Variants in ACYP2 observed in about 807,000 individuals in gnomAD.
ACYP2 encodes acylphosphatase-2.
A neutral mutation model predicts 11.2 loss-of-function variants in ACYP2; 12 were observed. The observed-to-expected ratio is 1.08, with a 90% CI of 0.69 to 1.74. The LOEUF (loss-of-function observed/expected upper bound fraction) is 1.74, where lower values mean the gene tolerates loss of function less well. Ranked by LOEUF, ACYP2 falls within the 40% of genes most tolerant of loss-of-function variation. ACYP2 has a pLI of 0.00. For missense variants in ACYP2, 134 were observed against 101.9 expected, an observed-to-expected ratio of 1.31 and a Z score of -1.35; for synonymous variants, 43 against 32.2, an observed-to-expected ratio of 1.33 and a Z score of -1.13.
chr2:53,985,590 A>G (rs113464300), intron 2 of ACYP2, among the ~76,000 whole-genome samples: 29 of 152,342 alleles, frequency 1.9e-4, no homozygotes, highest in African/African-American at 4.8e-4. Context: ...ACCTATCAAC[A>G]TATCAACAGT....
intron 2 of ACYP2, among the ~76,000 whole-genome samples, chr2:53,977,410 G>C (rs1187291343): frequency 6.6e-6 from 1 of 152,006 alleles, no homozygotes; most frequent in African/African-American, 2.4e-5. Context: ...AACTCCCTTA[G>C]GTCTCAGCCT....
intron 4 of ACYP2, among the ~76,000 whole-genome samples, chr2:54,126,488 G>A (rs114457148): frequency 2.5e-3 from 374 of 147,688 alleles, no homozygotes; most frequent in Middle Eastern, 6.9e-3. Flanking sequence ...ACAAATGTAC[G>A]TATACAAAAA....
chr2:54,051,462 G>C, intron 3 of ACYP2: 1 of 693,258 alleles, frequency 1.4e-6, no homozygotes, highest in South Asian at 1.6e-5. Context: ...TGACAAAAAA[G>C]AAGTTTGAGG....
intron 6 of ACYP2, among the ~76,000 whole-genome samples, chr2:54,232,851 A>G (rs932533036): frequency 2.0e-5 from 3 of 152,162 alleles, no homozygotes; most frequent in South Asian, 2.1e-4. Flanking sequence ...TCCGCCCCCA[A>G]GATGCAGTCA....
chr2:54,033,157 T>G (rs1451162207), intron 2 of ACYP2, among the ~76,000 whole-genome samples: 1 of 150,332 alleles, frequency 6.7e-6, no homozygotes, highest in Admixed American at 6.6e-5. Context: ...GAGATATGAG[T>G]GTGGGAGTGT....
intron 4 of ACYP2, among the ~76,000 whole-genome samples, chr2:54,127,830 A>G (rs1680636234): frequency 6.6e-6 from 1 of 151,994 alleles, no homozygotes; most frequent in Non-Finnish European, 1.5e-5. Context: ...CACATTTTTA[A>G]ATTGAAGTTT....
intron 2 of ACYP2, among the ~76,000 whole-genome samples, chr2:54,038,466 G>A (rs963878977): frequency 2.0e-4 from 31 of 151,710 alleles, no homozygotes; most frequent in Non-Finnish European, 7.4e-5. Context: ...TACTAAGTGC[G>A]TGGTGCTATT....
At chr2:54,206,185 C>A (rs985374059) in intron 6 of ACYP2, among the ~76,000 whole-genome samples, 5 of 152,144 alleles carry the variant, frequency 3.3e-5, no homozygotes, top group Admixed American at 6.5e-5. Flanking sequence ...TTTGTTAATT[C>A]CCCTGTCCTT....
intron 4 of ACYP2, among the ~76,000 whole-genome samples, chr2:54,069,594 G>A (rs1266149486): frequency 3.3e-5 from 5 of 152,126 alleles, no homozygotes; most frequent in Admixed American, 6.5e-5. Flanking sequence ...CCCGGGAGGC[G>A]GAGCTTGCAG....
At chr2:54,175,511 T>A (rs1299652185) in intron 6 of ACYP2, among the ~76,000 whole-genome samples, 1 of 152,092 alleles carries the variant, frequency 6.6e-6, no homozygotes, top group Non-Finnish European at 1.5e-5. Context: ...TTTTGAAGCA[T>A]TTTTTGTATC....
At chr2:54,161,585 TA>T (rs1385128063) in intron 6 of ACYP2, among the ~76,000 whole-genome samples, 6 of 152,230 alleles carry the variant, frequency 3.9e-5, no homozygotes, top group African/African-American at 1.4e-4. Context: ...ACATAGTAGG[TA>T]TACATGTTCT....
chr2:54,172,810 T>G (rs779476347), intron 6 of ACYP2, among the ~76,000 whole-genome samples: 35 of 152,124 alleles, frequency 2.3e-4, no homozygotes, highest in Non-Finnish European at 1.0e-4. Context: ...GGTTTTCTGT[T>G]CCTGTGATAG....
intron 3 of ACYP2, chr2:54,057,128 A>G: frequency 2.5e-6 from 1 of 392,182 alleles, no homozygotes; most frequent in Non-Finnish European, 4.5e-6. Context: ...GACTTGAACC[A>G]TAAATTAGAT....
chr2:54,289,335 A>G (rs1689206562), intron 6 of ACYP2, among the ~76,000 whole-genome samples: 2 of 152,126 alleles, frequency 1.3e-5, no homozygotes, highest in South Asian at 4.1e-4. Context: ...TATGAAAACT[A>G]CAGCAGATTT....
chr2:54,155,991 A>G (rs902574960), intron 6 of ACYP2, among the ~76,000 whole-genome samples: 1 of 152,146 alleles, frequency 6.6e-6, no homozygotes. Flanking sequence ...TATATAATAA[A>G]GGTATATATT....
intron 1 of ACYP2, among the ~76,000 whole-genome samples, chr2:53,973,233 T>C (rs1573415125): frequency 1.3e-5 from 2 of 152,072 alleles, no homozygotes; most frequent in Admixed American, 1.3e-4. Flanking sequence ...AGAATAGAAA[T>C]CTGATTATGG....
At chr2:54,233,738 AC>A (rs1353341433) in intron 6 of ACYP2, among the ~76,000 whole-genome samples, 8 of 152,146 alleles carry the variant, frequency 5.3e-5, no homozygotes, top group Non-Finnish European at 8.8e-5. Context: ...GGTTAAATTA[AC>A]TTTCCATTTC....
intron 6 of ACYP2, among the ~76,000 whole-genome samples, chr2:54,282,373 T>C (rs574932515): frequency 3.3e-5 from 5 of 152,284 alleles, no homozygotes; most frequent in African/African-American, 1.2e-4. Flanking sequence ...TCTCATCCAC[T>C]CCTCTTTTGT....
In ACYP2 at chr2:54,160,785, T is replaced by C. The variant is rs116305050; in HGVS notation, c.404+22037T>C. ...CAGCAATGGGGAGTCGTTGAAAAGT[T>C]TCAGGCCAGGGAGTGACACAATAGT... is the stretch of plus-strand genomic sequence containing the variant. On this transcript the variant is annotated intron_variant, in intron 6 of 6. Coordinates refer to ENST00000607452, the MANE Select transcript of ACYP2 (RefSeq NM_001320586.2). Among the ~76,000 whole-genome samples, 732 of 152,290 alleles carry C rather than the reference T, an allele frequency of 4.8e-3. 8 individuals are homozygous for C. Among genetic ancestry groups the C allele is most frequent in the African/African-American group, 0.017 (703 of 41,544 alleles).
Sources: allele counts gnomAD v4.1 joint callset (sites outside exome capture counted in the v4.1 genomes callset), GRCh38; gene constraint gnomAD v4.1.1; transcripts MANE v1.5; gene names NCBI Gene and HGNC (gene_info 2026-07-23, HGNC 2026-07-21).